CYREN: variants seen among roughly 807,000 people sequenced by gnomAD.
CYREN encodes cell cycle regulator of NHEJ, also known as cell cycle regulator of non-homologous end joining.
Under a neutral mutation model 9.7 loss-of-function variants are expected in CYREN, and 7 were observed. That is an observed-to-expected ratio of 0.72 (90% CI 0.41 to 1.36). CYREN has a LOEUF of 1.36. CYREN is among the 40% of genes most tolerant of loss of function. CYREN has a pLI of 0.01. For missense variants in CYREN, 215 were observed against 198.1 expected (o/e 1.09, Z -0.51); for synonymous variants, 76 against 77.9 (o/e 0.98, Z 0.13).
chr7:135,141,560 G>A (rs1006854869), intron 2 of CYREN, among the ~76,000 whole-genome samples: 7 of 151,868 alleles, frequency 4.6e-5, no homozygotes, highest in African/African-American at 1.7e-4. Flanking sequence ...ATTCAGTTCA[G>A]CTCTGATTGT....
upstream of CYREN, among the ~76,000 whole-genome samples, chr7:135,171,736 G>A (rs1830665357): frequency 6.6e-6 from 1 of 152,188 alleles, no homozygotes; most frequent in Non-Finnish European, 1.5e-5. Flanking sequence ...GGCTTGTCCT[G>A]CTACAGTCCT....
intron 1 of CYREN, 191 bp downstream of exon 1, chr7:135,170,461 G>C (rs1030699883): frequency 1.3e-5 from 2 of 152,302 alleles, no homozygotes; most frequent in Non-Finnish European, 2.9e-5. Flanking sequence ...CACCGCAGGG[G>C]CCTCGCTGAC....
intron 2 of CYREN, among the ~76,000 whole-genome samples, chr7:135,114,999 T>C (rs1014471315): frequency 3.5e-4 from 54 of 152,336 alleles, no homozygotes; most frequent in Admixed American, 3.1e-3. Context: ...CTTGGTGTTC[T>C]TGAACACACT....
In CYREN at chr7:135,166,216, C is replaced by A. The variant is rs1162931288; in HGVS notation, c.*395G>T. The A allele has an allele frequency of 6.0e-6, 1 of 166,694 alleles. No individual in the cohort carries two copies. Among genetic ancestry groups the A allele is most frequent in the African/African-American group, 2.4e-5 (1 of 41,978 alleles). 10.3% of individuals were successfully genotyped at this position (166,694 alleles called of 1,614,324 possible). A position where few individuals can be genotyped will look rare whatever the true frequency, so the allele number is the denominator to read the frequency against. On this transcript the variant is annotated 3_prime_UTR_variant, in exon 4 of 4. Transcript: ENST00000393114. ...ACTAAACTGTAGCAATTCCAGTGCACCTGGCAGTGATCCTTTTCTTTGCAA... is the reference window on the plus strand; with the variant it reads ...ACTAAACTGTAGCAATTCCAGTGCAACTGGCAGTGATCCTTTTCTTTGCAA...
intron 2 of CYREN, among the ~76,000 whole-genome samples, chr7:135,119,061 G>A (rs1039443044): frequency 4.6e-5 from 7 of 152,074 alleles, no homozygotes; most frequent in South Asian, 4.1e-4. Context: ...TTCACATATC[G>A]TAGTTTCAGA....
intron 2 of CYREN, among the ~76,000 whole-genome samples, chr7:135,108,407 A>G (rs1825091706): frequency 6.6e-6 from 1 of 152,152 alleles, no homozygotes; most frequent in African/African-American, 2.4e-5. Flanking sequence ...TCTGGTGGTA[A>G]TGAACTCCCT....
intron 2 of CYREN, among the ~76,000 whole-genome samples, chr7:135,126,382 CAA>C (rs1250582954): frequency 6.6e-6 from 1 of 151,712 alleles, no homozygotes; most frequent in African/African-American, 2.4e-5. Flanking sequence ...ACCAAGGAAA[CAA>C]GAGAGGATAC....
chr7:135,096,584 C>CATAGATAG (rs71172496), intron 2 of CYREN, among the ~76,000 whole-genome samples: 14,951 of 88,034 alleles, frequency 0.17, 1,300 homozygotes, highest in East Asian at 0.2. Context: ...TAGATAGATA[C>CATAGATAG]ATAGATAGAT....
chr7:135,108,401 G>C (rs1825089374), intron 2 of CYREN, among the ~76,000 whole-genome samples: 1 of 152,138 alleles, frequency 6.6e-6, no homozygotes, highest in African/African-American at 2.4e-5. Context: ...GGTGGGTCTG[G>C]TGGTAATGAA....
chr7:135,136,609 G>A (rs186649085), intron 2 of CYREN, among the ~76,000 whole-genome samples: 39 of 152,104 alleles, frequency 2.6e-4, no homozygotes, highest in Admixed American at 1.5e-3. Flanking sequence ...TTAATGTTCC[G>A]GATCATAGCA....
At chr7:135,094,096 T>C (rs1308742926) in exon 3 of CYREN, 2 of 280,034 alleles carry the variant, frequency 7.1e-6, no homozygotes. Context: ...CTAAAAATAA[T>C]AAAAAATGGA....
chr7:135,148,038 A>G, intron 2 of CYREN: 1 of 456,158 alleles, frequency 2.2e-6, no homozygotes, highest in Non-Finnish European at 4.4e-6. Context: ...ATCAGCTGAT[A>G]GTGACATCAG....
At chr7:135,167,575 C>A (rs943513182) in intron 3 of CYREN, 157 bp downstream of exon 3, 1 of 985,286 alleles carries the variant, frequency 1.0e-6, no homozygotes, top group Admixed American at 6.1e-5. Context: ...TGGGGAGAGG[C>A]CTGGGCAGCA....
At chr7:135,098,577 C>A (rs571664672) in intron 2 of CYREN, among the ~76,000 whole-genome samples, 1 of 152,234 alleles carries the variant, frequency 6.6e-6, no homozygotes, top group South Asian at 2.1e-4. Context: ...GACAGGATAT[C>A]TAACTTGATG....
At chr7:135,153,481 AAAAACTC>A (rs1829713072) in intron 2 of CYREN, among the ~76,000 whole-genome samples, 1 of 143,766 alleles carries the variant, frequency 7.0e-6, no homozygotes, top group Non-Finnish European at 1.5e-5. Flanking sequence ...AAAAAAGTCT[AAAAACTC>A]TAAAAACAGC....
intron 2 of CYREN, among the ~76,000 whole-genome samples, chr7:135,104,120 C>G (rs1000160436): frequency 2.6e-5 from 4 of 152,010 alleles, no homozygotes; most frequent in Non-Finnish European, 5.9e-5. Flanking sequence ...CTTTGTGTCC[C>G]TATGTTCTCA....
At chr7:135,109,523 C>T (rs1333322764) in intron 2 of CYREN, among the ~76,000 whole-genome samples, 1 of 152,216 alleles carries the variant, frequency 6.6e-6, no homozygotes, top group Non-Finnish European at 1.5e-5. Flanking sequence ...TGGGGGTCTG[C>T]TCCAGTCCCT....
chr7:135,125,565 C>G (rs1020633638), intron 2 of CYREN, among the ~76,000 whole-genome samples: 12 of 152,138 alleles, frequency 7.9e-5, no homozygotes, highest in African/African-American at 2.4e-4. Flanking sequence ...CATCCTGATA[C>G]CAAAACCAGG....
chr7:135,134,236 T>C (rs1034734712), intron 2 of CYREN, among the ~76,000 whole-genome samples: 7 of 152,058 alleles, frequency 4.6e-5, no homozygotes, highest in Non-Finnish European at 8.8e-5. Context: ...TCTCTCTGTA[T>C]TACTTCTCTC....
Sources: allele counts gnomAD v4.1 joint callset (sites outside exome capture counted in the v4.1 genomes callset), GRCh38; gene constraint gnomAD v4.1.1; transcripts MANE v1.5; gene names NCBI Gene and HGNC (gene_info 2026-07-23, HGNC 2026-07-21).